Variants in CDCP2 observed in about 807,000 individuals in gnomAD.
CDCP2 encodes CUB domain containing protein 2, also known as CUB domain-containing protein 2.
CDCP2 carries 31 observed loss-of-function variants against 31.0 expected under a neutral mutation model. The observed-to-expected ratio is 1.00, with a 90% CI of 0.75 to 1.35. The LOEUF is 1.35. Among genes scored for constraint, CDCP2 ranks in the 40% most tolerant of loss-of-function variants. CDCP2 has a pLI of 0.00. For missense variants in CDCP2, 443 were observed against 482.6 expected, an observed-to-expected ratio of 0.92 and a Z score of 0.77; for synonymous variants, 206 against 207.9, an observed-to-expected ratio of 0.99 and a Z score of 0.08.
intron 4 of CDCP2, among the ~76,000 whole-genome samples, chr1:54,137,023 C>T (rs1439269394): frequency 6.6e-6 from 1 of 152,238 alleles, no homozygotes; most frequent in African/African-American, 2.4e-5. Context: ...TCAGGGAAGG[C>T]ACCAAGTTTG....
chr1:54,149,132 G>C lies in CDCP2; in HGVS notation c.79+3712C>G, dbSNP rs530160818. 2.4e-3 allele frequency among the ~76,000 whole-genome samples: 365 copies of C among 151,532 alleles called. 5 individuals carry two copies. Among genetic ancestry groups the C allele is most frequent in the African/African-American group, 8.3e-3 (339 of 41,002 alleles). On this transcript the variant is annotated intron_variant, in intron 1 of 5. Coordinates refer to ENST00000530059, the Ensembl canonical transcript of CDCP2. Reference sequence around the variant, plus strand: ...TGAGGTCCCAGCTTCTCAAGAGGCTGAGGCAGGAGGACCACTTGAGCCCAG... The same window carrying C: ...TGAGGTCCCAGCTTCTCAAGAGGCTCAGGCAGGAGGACCACTTGAGCCCAG...
At chr1:54,144,582 C>T in exon 2 of CDCP2, 1 of 1,614,138 alleles carries the variant, frequency 6.2e-7, no homozygotes, top group Non-Finnish European at 8.5e-7. Context: ...GCCGCAGAAC[C>T]TCCCCAGCAG....
chr1:54,142,514 C>T (rs959611441), intron 2 of CDCP2: 2 of 152,238 alleles, frequency 1.3e-5, no homozygotes, highest in South Asian at 2.1e-4. Context: ...TTGGCCAGTA[C>T]AACTACACGG....
rs771067962 is a variant in CDCP2, at chr1:54,140,008, G to T, written c.862C>A (p.Arg288Ser). Residue 288 changes from arginine to serine, a missense_variant, in exon 4 of 6, where the codon CGC becomes AGC. Coordinates refer to ENST00000530059, the Ensembl canonical transcript of CDCP2. ...TTGACCTGGTAGCCCGGGGGCAGGC[G>T]GATGGTCCAGTGGCAGCGGATGTTG... is the stretch of plus-strand genomic sequence containing the variant. 3 of 1,613,918 alleles carry T rather than the reference G, an allele frequency of 1.9e-6. No homozygotes were observed. The Admixed American group carries it at 5.0e-5, about 27-fold the overall frequency.
At chr1:54,133,699 A>T (rs1659207599) in intron 5 of CDCP2, among the ~76,000 whole-genome samples, 1 of 152,140 alleles carries the variant, frequency 6.6e-6, no homozygotes, top group Admixed American at 6.5e-5. Context: ...GATCGAGACC[A>T]TCCTGACTAA....
intron 1 of CDCP2, among the ~76,000 whole-genome samples, chr1:54,146,730 A>G (rs1255278939): frequency 6.6e-6 from 1 of 151,822 alleles, no homozygotes; most frequent in Non-Finnish European, 1.5e-5. Context: ...AATACACAAA[A>G]TATACTTGGT....
In CDCP2 at chr1:54,141,075, G is replaced by A. The variant is rs767634797; in HGVS notation, c.763+23C>T. The A allele has an allele frequency of 2.7e-5, 41 of 1,509,516 alleles. No individual in the cohort carries two copies. In the South Asian group the frequency reaches 4.4e-4, roughly 16 times the overall value. The allele number at this position is 1,509,516 out of a possible 1,614,324, so 93.5% of individuals were successfully genotyped here. A position where few individuals can be genotyped will look rare whatever the true frequency, so the allele number is the denominator to read the frequency against. ...GCCCAGTAGGCACAGGAGGATTCAG[G>A]GTGGAGCGCCAGCCCCTCCTACCTG... On this transcript the variant is annotated intron_variant, in intron 3 of 5. Transcript: ENST00000530059.
intron 5 of CDCP2, among the ~76,000 whole-genome samples, chr1:54,134,091 C>T (rs1659216774): frequency 2.0e-5 from 3 of 152,084 alleles, no homozygotes; most frequent in Admixed American, 2.0e-4. Flanking sequence ...CCAAAGGGGG[C>T]TTTTCAAAGC....
chr1:54,147,542 T>C (rs1659496886), intron 1 of CDCP2, among the ~76,000 whole-genome samples: 5 of 151,940 alleles, frequency 3.3e-5, no homozygotes, highest in South Asian at 2.1e-4. Flanking sequence ...AATTTTTGTA[T>C]TTTTAGTACA....
At chr1:54,133,618 C>A (rs746397547) in intron 5 of CDCP2, among the ~76,000 whole-genome samples, 2 of 152,162 alleles carry the variant, frequency 1.3e-5, no homozygotes, top group African/African-American at 2.4e-5. Flanking sequence ...CCCATGTGGC[C>A]GGGTGCGGTG....
chr1:54,132,947 C>T (rs568529925), downstream of CDCP2: 35 of 398,762 alleles, frequency 8.8e-5, no homozygotes, highest in African/African-American at 4.9e-4. Flanking sequence ...ATGTCAGATG[C>T]CAGGTCCCTA....
chr1:54,144,838 G>C, intron 1 of CDCP2, 25 bp from the exon 2 acceptor site: 5 of 1,568,060 alleles, frequency 3.2e-6, no homozygotes, highest in Non-Finnish European at 4.3e-6. Flanking sequence ...AAGTATGGCT[G>C]AGACTCCGTG....
chr1:54,133,148 C>A (rs1209331529), exon 6 of CDCP2: 3 of 399,032 alleles, frequency 7.5e-6, no homozygotes, highest in South Asian at 1.3e-4. Context: ...CATAGGGCCC[C>A]AGCCAGTGAG....
intron 2 of CDCP2, chr1:54,143,820 A>C (rs990711528): frequency 6.6e-6 from 1 of 152,238 alleles, no homozygotes; most frequent in Non-Finnish European, 1.5e-5. Flanking sequence ...TGAGTGAGTG[A>C]AAGAGAAAGG....
At chr1:54,140,197 A>G (rs1389275399) in intron 3 of CDCP2, 91 bp from the exon 4 acceptor site, 1 of 1,246,608 alleles carries the variant, frequency 8.0e-7, no homozygotes, top group East Asian at 2.4e-5. Context: ...CAGGTGCCAC[A>G]GTGGTCCAAA....
At chr1:54,145,537 C>G (rs950850025) in intron 1 of CDCP2, among the ~76,000 whole-genome samples, 2 of 151,764 alleles carry the variant, frequency 1.3e-5, no homozygotes, top group Non-Finnish European at 2.9e-5. Context: ...CAGGCAGGGC[C>G]CGAGAATTTT....
intron 2 of CDCP2, chr1:54,142,730 T>C (rs535348968): frequency 6.6e-6 from 1 of 152,224 alleles, no homozygotes; most frequent in Non-Finnish European, 1.5e-5. Context: ...ACTCAGATTT[T>C]GTGAAATGAG....
chr1:54,139,500 A>G, intron 4 of CDCP2: 1 of 1,593,436 alleles, frequency 6.3e-7, no homozygotes. Context: ...CCAGATGGGG[A>G]GGGGTGAGGA....
intron 1 of CDCP2, among the ~76,000 whole-genome samples, chr1:54,150,274 G>A (rs970419535): frequency 6.6e-5 from 10 of 152,152 alleles, no homozygotes; most frequent in African/African-American, 2.2e-4. Context: ...GCATTTGGTC[G>A]GTATCTGACT....
Sources: allele counts gnomAD v4.1 joint callset (sites outside exome capture counted in the v4.1 genomes callset), GRCh38; gene constraint gnomAD v4.1.1; transcripts MANE v1.5; gene names NCBI Gene and HGNC (gene_info 2026-07-23, HGNC 2026-07-21).